VPS13B: variants seen among roughly 807,000 people sequenced by gnomAD.
VPS13B encodes the protein vacuolar protein sorting 13 homolog B.
A neutral mutation model predicts 426.4 loss-of-function variants in VPS13B; 285 were observed. The ratio of observed to expected loss-of-function variants is 0.67; its 90% CI spans 0.61 to 0.74. The LOEUF is 0.74. Ranked by LOEUF, VPS13B falls within the 30% of genes least tolerant of loss-of-function variation. VPS13B has a pLI of 0.00. For missense variants in VPS13B, 4,537 were observed against 4,782.6 expected (o/e 0.95, Z 1.51); for synonymous variants, 1,676 against 1,676.4 (o/e 1.00, Z 0.01).
chr8:99,480,030 AC>A (rs1249120777), intron 24 of VPS13B, among the ~76,000 whole-genome samples: 2 of 152,218 alleles, frequency 1.3e-5, no homozygotes, highest in African/African-American at 4.8e-5. Flanking sequence ...TAGTTACTCT[AC>A]ATCCTTACTA....
chr8:99,249,188 TTGTG>T (rs1439797660), intron 17 of VPS13B, among the ~76,000 whole-genome samples: 2 of 152,192 alleles, frequency 1.3e-5, no homozygotes, highest in Non-Finnish European at 2.9e-5. Context: ...AGCCAAGTTG[TTGTG>T]TGTATCAATA....
intron 17 of VPS13B, among the ~76,000 whole-genome samples, chr8:99,265,001 C>T (rs189561583): frequency 6.6e-6 from 1 of 152,076 alleles, no homozygotes; most frequent in Non-Finnish European, 1.5e-5. Flanking sequence ...AGAGAACTAG[C>T]ATCATGTTTT....
chr8:99,853,368 T>C, intron 55 of VPS13B, 83 bp from the exon 56 acceptor site: 1 of 1,415,860 alleles, frequency 7.1e-7, no homozygotes, highest in Non-Finnish European at 9.9e-7. Flanking sequence ...AGGTATTTAA[T>C]AGGGTACTGT....
intron 25 of VPS13B, among the ~76,000 whole-genome samples, chr8:99,499,212 G>C (rs1200292292): frequency 6.6e-6 from 1 of 152,094 alleles, no homozygotes; most frequent in Non-Finnish European, 1.5e-5. Context: ...TTTCACAACA[G>C]ATTTGGAAAC....
At chr8:99,091,199 G>A (rs1275403021) in intron 3 of VPS13B, among the ~76,000 whole-genome samples, 2 of 152,120 alleles carry the variant, frequency 1.3e-5, no homozygotes, top group Non-Finnish European at 2.9e-5. Context: ...AAATGACTCT[G>A]GTCCTTTTAC....
chr8:99,232,971 G>A, intron 17 of VPS13B: 1 of 692,656 alleles, frequency 1.4e-6, no homozygotes. Context: ...CGATCTGGCT[G>A]GCTGTGTTTG....
At chr8:99,310,295 T>G (rs890782434) in intron 19 of VPS13B, among the ~76,000 whole-genome samples, 11 of 152,358 alleles carry the variant, frequency 7.2e-5, no homozygotes, top group Middle Eastern at 6.8e-3. Context: ...TTTTTGCCCA[T>G]TCAGTATGAT....
chr8:99,256,020 T>A (rs1817727391), intron 17 of VPS13B, among the ~76,000 whole-genome samples: 1 of 152,192 alleles, frequency 6.6e-6, no homozygotes, highest in Admixed American at 6.5e-5. Flanking sequence ...CCACCATTTT[T>A]AGAGTGGTGT....
intron 19 of VPS13B, among the ~76,000 whole-genome samples, chr8:99,326,037 A>C (rs951489970): frequency 2.6e-5 from 4 of 152,164 alleles, no homozygotes; most frequent in Admixed American, 6.6e-5. Context: ...CCTTGTAACC[A>C]GTTTATTGAA....
intron 19 of VPS13B, among the ~76,000 whole-genome samples, chr8:99,304,192 T>A (rs564678842): frequency 6.6e-6 from 1 of 152,242 alleles, no homozygotes; most frequent in South Asian, 2.1e-4. Context: ...AATTAAAGCA[T>A]TTAGAATAAG....
intron 17 of VPS13B, 126 bp downstream of exon 17, chr8:99,193,183 A>G (rs780756137): frequency 2.1e-6 from 2 of 969,880 alleles, no homozygotes; most frequent in African/African-American, 1.6e-5. Context: ...TTGAATGTAG[A>G]TATTTATAGC....
intron 8 of VPS13B, among the ~76,000 whole-genome samples, chr8:99,133,557 C>T (rs897752890): frequency 1.3e-5 from 2 of 152,164 alleles, no homozygotes; most frequent in Admixed American, 1.3e-4. Context: ...CTTTTACATC[C>T]CTTCTTCACT....
intron 43 of VPS13B, chr8:99,798,959 T>C (rs1812996801): frequency 6.6e-6 from 1 of 152,228 alleles, no homozygotes; most frequent in Non-Finnish European, 1.5e-5. Context: ...AAGAATGTTA[T>C]AAAGATTTCA....
At chr8:99,587,913 T>A (rs952199627) in intron 33 of VPS13B, among the ~76,000 whole-genome samples, 1 of 151,784 alleles carries the variant, frequency 6.6e-6, no homozygotes, top group Non-Finnish European at 1.5e-5. Flanking sequence ...ATGTCCTGAA[T>A]GGTAATGCCT....
At chr8:99,030,461 AGTGT>A (rs34944940) in intron 2 of VPS13B, among the ~76,000 whole-genome samples, 85 of 144,870 alleles carry the variant, frequency 5.9e-4, no homozygotes, top group Admixed American at 1.0e-3. Context: ...TGAGTGAGTG[AGTGT>A]GTGTGTGTGT....
rs146335923 is a variant in VPS13B, at chr8:99,301,882, C to G, written c.2824+26628C>G. ...GCTCAAGAGATCCGTCTGCCTTGGC[C>G]TCCCCAAATGCTGGGATAACAGGTG... On this transcript the variant is annotated intron_variant, in intron 19 of 61. Coordinates refer to ENST00000357162, the MANE Select transcript of VPS13B (RefSeq NM_152564.5). 8.0e-4 allele frequency among the ~76,000 whole-genome samples: 122 copies of G among 152,198 alleles called. 2 individuals carry two copies. Among genetic ancestry groups the G allele is most frequent in the African/African-American group, 2.6e-3 (107 of 41,528 alleles).
At chr8:99,014,384 C>G (rs1213444382) in intron 2 of VPS13B, among the ~76,000 whole-genome samples, 2 of 151,902 alleles carry the variant, frequency 1.3e-5, no homozygotes, top group African/African-American at 4.8e-5. Context: ...TTCCGAAGTG[C>G]TGGGATTATA....
At chr8:99,369,251 A>G (rs1214611791) in intron 19 of VPS13B, among the ~76,000 whole-genome samples, 2 of 152,216 alleles carry the variant, frequency 1.3e-5, no homozygotes, top group African/African-American at 4.8e-5. Flanking sequence ...TTTGAACATA[A>G]ATGTTAGTTA....
chr8:99,744,788 G>T (rs942374832), intron 39 of VPS13B, among the ~76,000 whole-genome samples: 2 of 151,574 alleles, frequency 1.3e-5, no homozygotes, highest in African/African-American at 4.9e-5. Flanking sequence ...CATGGACACA[G>T]GAAGGGGAAC....
Sources: allele counts gnomAD v4.1 joint callset (sites outside exome capture counted in the v4.1 genomes callset), GRCh38; gene constraint gnomAD v4.1.1; transcripts MANE v1.5; gene names NCBI Gene and HGNC (gene_info 2026-07-23, HGNC 2026-07-21).